Variants in GLCCI1 observed in about 807,000 individuals in gnomAD.
GLCCI1 encodes the protein glucocorticoid-induced transcript 1 protein.
GLCCI1 carries 24 observed loss-of-function variants against 52.2 expected under a neutral mutation model. That is an observed-to-expected ratio of 0.46 (90% CI 0.33 to 0.65). GLCCI1 has a LOEUF of 0.65. Among genes scored for constraint, GLCCI1 ranks in the 30% least tolerant of loss-of-function variants. GLCCI1 has a pLI of 0.02. For synonymous variants in GLCCI1, 310 were observed against 276.5 expected (o/e 1.12, Z -1.20); for missense variants, 704 against 701.5 (o/e 1.00, Z -0.04).
intron 1 of GLCCI1, among the ~76,000 whole-genome samples, chr7:7,986,512 G>A (rs540393047): frequency 8.6e-4 from 124 of 144,462 alleles, no homozygotes; most frequent in African/African-American, 3.1e-3. Context: ...GCGACAGAGC[G>A]AGACTCTGAC....
intron 7 of GLCCI1, 144 bp downstream of exon 7, chr7:8,085,161 A>C (rs1378738530): frequency 6.9e-6 from 6 of 874,252 alleles, no homozygotes; most frequent in African/African-American, 1.7e-5. Flanking sequence ...TTGAATAGGC[A>C]AGAGAGATCT....
At chr7:7,988,522 T>A (rs551259580) in intron 1 of GLCCI1, among the ~76,000 whole-genome samples, 58 of 152,340 alleles carry the variant, frequency 3.8e-4, no homozygotes, top group African/African-American at 1.4e-3. Flanking sequence ...TACTTTTTTT[T>A]AATGTCTTCG....
At chr7:8,033,965 G>A (rs965451939) in intron 3 of GLCCI1, among the ~76,000 whole-genome samples, 10 of 152,114 alleles carry the variant, frequency 6.6e-5, no homozygotes, top group East Asian at 1.9e-4. Context: ...TCTTGAAAAC[G>A]AAAAATTTGG....
intron 1 of GLCCI1, among the ~76,000 whole-genome samples, chr7:7,972,039 AC>A (rs1780364939): frequency 6.6e-6 from 1 of 152,048 alleles, no homozygotes; most frequent in Middle Eastern, 3.2e-3. Flanking sequence ...TACCCCCACT[AC>A]CCAAATTAAA....
intron 3 of GLCCI1, among the ~76,000 whole-genome samples, chr7:8,050,708 C>T (rs1261648147): frequency 7.4e-6 from 1 of 135,916 alleles, no homozygotes; most frequent in Non-Finnish European, 1.6e-5. Flanking sequence ...AGATTTATCT[C>T]CTTGTGAGTT....
chr7:8,057,167 G>A (rs75646619), intron 4 of GLCCI1, among the ~76,000 whole-genome samples: 4,410 of 152,134 alleles, frequency 0.029, 201 homozygotes, highest in African/African-American at 0.093. Flanking sequence ...AACATATGCT[G>A]ACCGTTCAAC....
chr7:8,087,167 A>AT lies in GLCCI1; in HGVS notation c.*632dup, dbSNP rs1783134348. On this transcript the variant is annotated 3_prime_UTR_variant, in exon 8 of 8. Transcript: ENST00000223145. ...TCTTTTGCCTTTCCTTATTTTATGC[A>AT]TTTCCCTTTCCTCATTACATTCCAC... The AT allele has an allele frequency of 6.6e-6, 1 of 152,582 alleles. No individual in the cohort carries two copies. The highest frequency in any genetic ancestry group is 2.4e-5 in the African/African-American group (1 of 41,424). 9.5% of individuals were successfully genotyped at this position (152,582 alleles called of 1,614,324 possible). A position where few individuals can be genotyped will look rare whatever the true frequency, so the allele number is the denominator to read the frequency against.
chr7:7,969,880 C>T lies in GLCCI1; in HGVS notation c.457+73C>T, dbSNP rs1780305213. ...GTGCCCTCCGTGGAAACTTCAGCCT[C>T]TTCGGGCTTCTCTTTGCTAGTGCAT... On this transcript the variant is annotated intron_variant, in intron 1 of 7. Transcript: ENST00000223145. The surrounding 1 kb of genome is among the most constrained non-coding windows in gnomAD (Gnocchi z 4.9). The T allele has an allele frequency of 4.1e-6, 5 of 1,229,370 alleles. No individual in the cohort carries two copies. Among genetic ancestry groups the T allele is most frequent in the African/African-American group, 3.3e-5 (2 of 61,442 alleles). 76.2% of individuals were successfully genotyped at this position (1,229,370 alleles called of 1,614,324 possible). A position where few individuals can be genotyped will look rare whatever the true frequency, so the allele number is the denominator to read the frequency against.
At chr7:8,018,399 G>C (rs971307386) in intron 2 of GLCCI1, among the ~76,000 whole-genome samples, 1 of 152,124 alleles carries the variant, frequency 6.6e-6, no homozygotes, top group African/African-American at 2.4e-5. Flanking sequence ...GCCCTTTCTA[G>C]TTAGTGAATA....
chr7:8,036,331 G>C (rs1252249537), intron 3 of GLCCI1, among the ~76,000 whole-genome samples: 6 of 152,074 alleles, frequency 3.9e-5, no homozygotes, highest in Admixed American at 3.9e-4. Context: ...GCTTTCAGTG[G>C]AAAGCACCCA....
intron 3 of GLCCI1, among the ~76,000 whole-genome samples, chr7:8,051,284 C>G (rs1053088927): frequency 1.3e-5 from 2 of 152,212 alleles, no homozygotes; most frequent in Non-Finnish European, 2.9e-5. Flanking sequence ...CAGAGGTCTT[C>G]TATTTTCCGG....
At chr7:7,997,436 T>C (rs1457523447) in intron 1 of GLCCI1, among the ~76,000 whole-genome samples, 1 of 152,178 alleles carries the variant, frequency 6.6e-6, no homozygotes, top group Non-Finnish European at 1.5e-5. Flanking sequence ...TATGGCTATT[T>C]TTGATCTCAG....
intron 1 of GLCCI1, among the ~76,000 whole-genome samples, chr7:7,982,587 C>A (rs1780644214): frequency 6.6e-6 from 1 of 152,136 alleles, no homozygotes; most frequent in Admixed American, 6.5e-5. Flanking sequence ...CATCAGCCAG[C>A]TTAAGATCTA....
At chr7:7,987,557 T>G (rs1460610634) in intron 1 of GLCCI1, among the ~76,000 whole-genome samples, 1 of 152,142 alleles carries the variant, frequency 6.6e-6, no homozygotes, top group African/African-American at 2.4e-5. Context: ...GCCTGACATT[T>G]TACTACTTAG....
At chr7:8,084,781 G>T in intron 6 of GLCCI1, 116 bp from the exon 7 acceptor site, 2 of 969,504 alleles carry the variant, frequency 2.1e-6, no homozygotes, top group Non-Finnish European at 3.1e-6. Flanking sequence ...CAATAAAGGA[G>T]ACTGGTCAAA....
intron 3 of GLCCI1, among the ~76,000 whole-genome samples, chr7:8,043,925 A>G (rs892713288): frequency 1.7e-4 from 25 of 149,258 alleles, no homozygotes; most frequent in Admixed American, 1.4e-3. Context: ...GAAAAATCAA[A>G]ACTATTGTTG....
chr7:8,017,697 AC>A (rs1339633547), intron 2 of GLCCI1, among the ~76,000 whole-genome samples: 1 of 152,150 alleles, frequency 6.6e-6, no homozygotes, highest in Non-Finnish European at 1.5e-5. Context: ...TTAAAAAAAA[AC>A]CTTCCGACTT....
At chr7:8,053,641 A>G (rs1782318869) in intron 3 of GLCCI1, among the ~76,000 whole-genome samples, 1 of 151,810 alleles carries the variant, frequency 6.6e-6, no homozygotes, top group Admixed American at 6.6e-5. Context: ...TTCCCTAACT[A>G]ATGTTTTAAA....
chr7:7,999,745 T>C (rs929187859), intron 1 of GLCCI1, among the ~76,000 whole-genome samples: 7 of 151,844 alleles, frequency 4.6e-5, no homozygotes, highest in African/African-American at 1.7e-4. Flanking sequence ...TCTCTATAAA[T>C]TTAAAAAATT....
Sources: allele counts gnomAD v4.1 joint callset (sites outside exome capture counted in the v4.1 genomes callset), GRCh38; gene constraint gnomAD v4.1.1; non-coding constraint Gnocchi (gnomAD v3.1); transcripts MANE v1.5; gene names NCBI Gene and HGNC (gene_info 2026-07-23, HGNC 2026-07-21).